Variants in MSLN observed in about 807,000 individuals in gnomAD.
MSLN encodes the protein mesothelin, also known as CAK1 antigen.
In MSLN, 82 loss-of-function variants were observed where a neutral mutation model predicts 72.6. The ratio of observed to expected loss-of-function variants is 1.13; its 90% CI spans 0.94 to 1.36. MSLN has a LOEUF of 1.36. Among genes scored for constraint, MSLN ranks in the 40% most tolerant of loss-of-function variants. The probability of loss-of-function intolerance (pLI) is 0.00; values close to 1 mark genes in which losing one functional copy is unlikely to be tolerated. For synonymous variants in MSLN, 456 were observed against 387.3 expected (o/e 1.18, Z -2.08); for missense variants, 1,005 against 847.9 (o/e 1.19, Z -2.30).
chr16:762,078 A>C (rs113547392), intron 2 of MSLN, among the ~76,000 whole-genome samples: 2 of 151,642 alleles, frequency 1.3e-5, no homozygotes, highest in African/African-American at 4.8e-5. Context: ...TCACTGGCCC[A>C]GCCCCGCCCC....
chr16:762,633 G>A (rs1208579318), intron 2 of MSLN, 39 bp from the exon 3 acceptor site: 6 of 1,493,698 alleles, frequency 4.0e-6, no homozygotes, highest in Middle Eastern at 1.7e-4. Flanking sequence ...GCGTGGGGTG[G>A]GAGCAGGGGG....
intron 4 of MSLN, 91 bp downstream of exon 4, chr16:763,367 T>C (rs2041560980): frequency 1.7e-6 from 2 of 1,160,848 alleles, no homozygotes; most frequent in Non-Finnish European, 2.5e-6. Context: ...TCCACGGTGC[T>C]TGCCAGTTTC....
In MSLN at chr16:765,274, G is replaced by A. The variant is rs780802182; in HGVS notation, c.675G>A (p.Ala225=). 1.2e-5 allele frequency: 19 copies of A among 1,582,290 alleles called. No individual in the cohort carries two copies. Among genetic ancestry groups the A allele is most frequent in the East Asian group, 4.5e-5 (2 of 44,182 alleles). Residue 225 remains alanine (A), a synonymous_variant, in exon 9 of 18, where the codon GCG becomes GCA. Coordinates refer to ENST00000545450, the MANE Select transcript of MSLN (RefSeq NM_005823.6). The part of the protein sequence containing the change: ...LDQDQQEAAR[A]ALQGGGPPYG... ...AGGACCAGCAGGAGGCAGCCAGGGC[G>A]GCTCTGCAGGGCGGGGGACCCCCCT...
At position 765,220 on chromosome 16, in the gene MSLN, G is replaced by C; in HGVS notation, c.621G>C (p.Arg207=). The change falls in exon 9 of 18, where the codon CGG becomes CGC. Residue 207 remains arginine (R), a synonymous_variant. Coordinates refer to ENST00000545450, the MANE Select transcript of MSLN (RefSeq NM_005823.6). The stretch of plus-strand genomic sequence containing the variant: ...AGTCGGCCGAAGTGCTGCTACCCCG[G>C]CTGGTGAGCTGCCCGGGACCCCTGG... The part of the protein sequence containing the change: ...VAESAEVLLP[R]LVSCPGPLDQ... 6.3e-7 allele frequency: 1 copy of C among 1,586,214 alleles called. No homozygotes were observed. The highest frequency in any genetic ancestry group is 8.5e-7 in the Non-Finnish European group (1 of 1,172,394).
rs1297340955 is a variant in MSLN at position 768,699 on chromosome 16, T to G, written c.1835T>G (p.Val612Gly). 2.0e-5 allele frequency: 33 copies of G among 1,610,846 alleles called. No homozygotes were observed. The highest frequency in any genetic ancestry group is 2.7e-5 in the African/African-American group (2 of 74,818). The change falls in exon 18 of 18, where the codon GTC becomes GGC. Residue 612 changes from valine to glycine, a missense_variant. Physicochemically the swap from Val to Gly is moderately radical, Grantham distance 109 (BLOSUM62 -3). Coordinates refer to ENST00000545450, the MANE Select transcript of MSLN (RefSeq NM_005823.6). ...CLLGPGPVLTVLALLLASTLA is the reference protein window; with the variant it reads ...CLLGPGPVLTGLALLLASTLA ...CTAGGACCTGGACCTGTTCTCACCG[T>G]CCTGGCACTGCTCCTAGCCTCCACC...
Position 766,925 on chromosome 16 carries a change from C to A in MSLN, c.1414C>A (p.Gln472Lys), listed in dbSNP as rs1223997902. The A allele has an allele frequency of 6.2e-7, 1 of 1,612,684 alleles. No homozygotes were observed. The highest frequency in any genetic ancestry group is 8.5e-7 in the Non-Finnish European group (1 of 1,179,884). ...PQDLDTCDPR[Q>K]LDVLYPKARL... ...GGACCTGGACACGTGTGACCCAAGG[C>A]AGCTGGACGTCCTCTATCCCAAGGC... Residue 472 changes from glutamine to lysine, a missense_variant, in exon 15 of 18, where the codon CAG (glutamine) becomes AAG (lysine). By Grantham distance (53) the Gln-to-Lys change is moderately conservative. Coordinates refer to ENST00000545450, the MANE Select transcript of MSLN (RefSeq NM_005823.6).
chr16:766,079 A>T lies in MSLN; in HGVS notation c.916A>T (p.Lys306Ter). 3 of 1,611,534 alleles carry T rather than the reference A, an allele frequency of 1.9e-6. No individual in the cohort carries two copies. The highest frequency in any genetic ancestry group is 2.5e-6 in the Non-Finnish European group (3 of 1,179,170). Residue 306 changes from lysine to a stop codon, truncating the protein, a stop_gained, in exon 12 of 18, where the codon AAG becomes TAG. Transcript: ENST00000545450. LOFTEE classifies it high-confidence loss of function. The part of the protein sequence containing the change: ...EVEKTACPSG[K>*]KAREIDESLI... ...TGCAGAGACAGCCTGTCCTTCAGGC[A>T]AGAAGGCCCGCGAGATAGACGAGAG...
chr16:765,142 T>C lies in MSLN; in HGVS notation c.543T>C (p.Asp181=), dbSNP rs946707089. 3 of 1,603,984 alleles carry C rather than the reference T, an allele frequency of 1.9e-6. No homozygotes were observed. In the African/African-American group the frequency reaches 4.0e-5, roughly 21 times the overall value. ...GVRGSLLSEA[D]VRALGGLACD... ...GGGGGTCTCTGCTGAGCGAGGCTGA[T>C]GTGCGGGCTCTGGGAGGCCTGGCTT... is the stretch of plus-strand genomic sequence containing the variant. Residue 181 remains aspartate, a synonymous_variant, in exon 9 of 18, where the codon GAT becomes GAC. Coordinates refer to ENST00000545450, the MANE Select transcript of MSLN (RefSeq NM_005823.6).
At position 765,786 on chromosome 16, in the gene MSLN, G is replaced by T. The variant is rs757317933; in HGVS notation, c.891G>T (p.Val297=). The T allele has an allele frequency of 1.3e-6, 2 of 1,598,592 alleles. No homozygotes were observed. Among genetic ancestry groups the T allele is most frequent in the Admixed American group, 3.3e-5 (2 of 59,932 alleles). The change falls in exon 11 of 18, where the codon GTG becomes GTT. Residue 297 remains valine, a synonymous_variant. Coordinates refer to ENST00000545450, the MANE Select transcript of MSLN (RefSeq NM_005823.6). Reference sequence around the variant, plus strand: ...TCCGGCCGCGGTTCCGGCGGGAAGTGGAGAGTGAGTGCCGTGCCCTGCGCA... The same window carrying T: ...TCCGGCCGCGGTTCCGGCGGGAAGTTGAGAGTGAGTGCCGTGCCCTGCGCA... ...TILRPRFRRE[V]EKTACPSGKK... is the part of the protein sequence containing the mutation.
rs763737195 is a variant in MSLN at position 768,773 on chromosome 16, C to A, written c.*40C>A. 6.3e-7 allele frequency: 1 copy of A among 1,592,282 alleles called. No homozygotes were observed. The highest frequency in any genetic ancestry group is 1.3e-5 in the African/African-American group (1 of 74,662). Reference sequence around the variant, plus strand: ...TGCTGGCCCCAGCCCTGCTGGGGATCCCCGCCTGGCCAGGAGCAGGCACGG... The same window carrying A: ...TGCTGGCCCCAGCCCTGCTGGGGATACCCGCCTGGCCAGGAGCAGGCACGG... On this transcript the variant is annotated 3_prime_UTR_variant, in exon 18 of 18. Transcript: ENST00000545450.
rs745616347 is a variant in MSLN, at chr16:768,670, C to CCT, written c.1808_1809dup (p.Leu604SerfsTer2). 6.2e-7 allele frequency: 1 copy of CCT among 1,610,930 alleles called. No homozygotes were observed. Among genetic ancestry groups the CCT allele is most frequent in the Non-Finnish European group, 8.5e-7 (1 of 1,179,520 alleles). On this transcript the variant is annotated frameshift_variant, in exon 18 of 18. Coordinates refer to ENST00000545450, the MANE Select transcript of MSLN (RefSeq NM_005823.6). LOFTEE classifies it low-confidence loss of function (END_TRUNC). The stretch of plus-strand genomic sequence containing the variant: ...TAGAGGCCCTCTCGGGGACGCCCTG[C>CCT]CTCCTAGGACCTGGACCTGTTCTCA...
At position 762,579 on chromosome 16, in the gene MSLN, G is replaced by T. The variant is rs1036399900; in HGVS notation, c.-9-93G>T. Reference sequence around the variant, plus strand: ...GGTACCACAGAAGTTTGCTCTGGGAGCCCCTCCTGGGCCCATGTGGCCCCA... The same window carrying T: ...GGTACCACAGAAGTTTGCTCTGGGATCCCCTCCTGGGCCCATGTGGCCCCA... On this transcript the variant is annotated intron_variant, in intron 2 of 17. Coordinates refer to ENST00000545450, the MANE Select transcript of MSLN (RefSeq NM_005823.6). The T allele has an allele frequency of 1.7e-5, 16 of 925,220 alleles. No individual in the cohort carries two copies. In the African/African-American group the frequency reaches 2.3e-4, roughly 14 times the overall value. 57.3% of individuals were successfully genotyped at this position (925,220 alleles called of 1,614,324 possible).
chr16:766,045 CCT>C lies in MSLN; in HGVS notation c.896-13_896-12del, dbSNP rs1326469068. 5 of 1,599,936 alleles carry C rather than the reference CCT, an allele frequency of 3.1e-6. No homozygotes were observed. The highest frequency in any genetic ancestry group is 2.3e-5 in the East Asian group (1 of 44,196). ...CGAACTCCGGCCCTGACCCCTGACC[CCT>C]GTGCCCTGCAGAGACAGCCTGTCCT... On this transcript the variant is annotated splice_polypyrimidine_tract_variant and intron_variant, in intron 11 of 17. Coordinates refer to ENST00000545450, the MANE Select transcript of MSLN (RefSeq NM_005823.6).
intron 2 of MSLN, among the ~76,000 whole-genome samples, chr16:762,251 C>T (rs1157132519): frequency 3.3e-5 from 5 of 152,254 alleles, no homozygotes; most frequent in African/African-American, 1.2e-4. Flanking sequence ...CAGGCACCTG[C>T]AGCTGAGGGC....
rs2041597373 is a variant in MSLN at position 765,668 on chromosome 16, GC to G, written c.796-20del. 5.6e-6 allele frequency: 9 copies of G among 1,599,942 alleles called. No individual in the cohort carries two copies. In the East Asian group the frequency reaches 2.0e-4, roughly 36 times the overall value. On this transcript the variant is annotated intron_variant, in intron 10 of 17. Transcript: ENST00000545450. ...GGGATGCCCGGCCACCCGAGGCTCAGCCCAGGTCCTGCTCGTCCTCAGGGCA... is the reference window on the plus strand; with the variant it reads ...GGGATGCCCGGCCACCCGAGGCTCAGCCAGGTCCTGCTCGTCCTCAGGGCA...
chr16:764,628 G>A lies in MSLN; in HGVS notation c.301-19G>A, dbSNP rs766703568. On this transcript the variant is annotated intron_variant, in intron 6 of 17. Transcript: ENST00000545450. ...GTGGCGGCTCGAAACGCTCTGTGCT[G>A]GACTCCCTGCCCCTGCAGCTGCGCT... is the stretch of plus-strand genomic sequence containing the variant. 54 of 1,608,996 alleles carry A rather than the reference G, an allele frequency of 3.4e-5. No homozygotes were observed. Among genetic ancestry groups the A allele is most frequent in the Middle Eastern group, 3.3e-4 (2 of 6,016 alleles).
At chr16:768,026 GGA>G (rs1567360876) in intron 16 of MSLN, among the ~76,000 whole-genome samples, 8 of 64,324 alleles carry the variant, frequency 1.2e-4, no homozygotes, top group South Asian at 7.1e-4. Flanking sequence ...GGGGGGGTGT[GGA>G]GGGGGGCGCG....
rs141123719 is a variant in MSLN, at chr16:762,700, G to A, written c.20G>A (p.Arg7Gln). MALPTA[R>Q]PLLGSCGTPA... ...CAGACCATGGCCTTGCCAACGGCTC[G>A]ACCCCTGTTGGGGTCCTGTGGGACC... The change falls in exon 3 of 18, where the codon CGA (arginine) becomes CAA (glutamine). Residue 7 changes from arginine (R) to glutamine (Q), a missense_variant. Physicochemically the swap from Arg to Gln is conservative, Grantham distance 43. Transcript: ENST00000545450. 236 of 1,610,646 alleles carry A rather than the reference G, an allele frequency of 1.5e-4. 1 individual carries two copies. The highest frequency in any genetic ancestry group is 1.9e-4 in the Non-Finnish European group (219 of 1,179,180).
rs140819126 is a variant in MSLN, at chr16:766,399, G to A, written c.1139G>A (p.Ser380Asn). 2.5e-6 allele frequency: 4 copies of A among 1,612,578 alleles called. No homozygotes were observed. The African/African-American group carries it at 5.3e-5, about 22-fold the overall frequency. ...CTGGGCTACCTCTTCCTCAAGATGA[G>A]CCCTGAGGACATTCGCAAGTGGAAT... ...QHLGYLFLKM[S>N]PEDIRKWNVT... is the part of the protein sequence containing the mutation. Residue 380 changes from serine (S) to asparagine (N), a missense_variant, in exon 13 of 18, where the codon AGC becomes AAC. Transcript: ENST00000545450.
Sources: gnomAD v4.1 joint callset for allele counts (sites outside exome capture counted in the v4.1 genomes callset) on GRCh38, gnomAD v4.1.1 for gene constraint, MANE v1.5 for transcripts, NCBI Gene and HGNC (gene_info 2026-07-23, HGNC 2026-07-21) for gene names.